Variants in TRAP1 observed in about 807,000 individuals in gnomAD.
The protein encoded by TRAP1 is TNF receptor associated protein 1.
TRAP1 carries 102 observed loss-of-function variants against 89.1 expected under a neutral mutation model. The observed-to-expected ratio is 1.15, with a 90% CI of 0.98 to 1.35. TRAP1 has a LOEUF of 1.35. TRAP1 is among the 40% of genes most tolerant of loss of function. The probability of loss-of-function intolerance (pLI) is 0.00; values close to 1 mark genes in which losing one functional copy is unlikely to be tolerated. For missense variants in TRAP1, 1,256 were observed against 945.3 expected, an observed-to-expected ratio of 1.33 and a Z score of -4.31; for synonymous variants, 508 against 388.0, an observed-to-expected ratio of 1.31 and a Z score of -3.64.
intron 1 of TRAP1, among the ~76,000 whole-genome samples, chr16:3,709,333 T>C (rs939574359): frequency 6.6e-6 from 1 of 152,080 alleles, no homozygotes; most frequent in African/African-American, 2.4e-5. Context: ...AAAGATGTTT[T>C]ACCACACTCA....
At chr16:3,658,523 AAT>A in intron 17 of TRAP1, 1 of 567,458 alleles carries the variant, frequency 1.8e-6, no homozygotes, top group Non-Finnish European at 3.1e-6. Context: ...TCTCTACTAA[AAT>A]ACAAAATTAG....
At chr16:3,696,831 A>G (rs1192401179) in intron 1 of TRAP1, among the ~76,000 whole-genome samples, 1 of 151,112 alleles carries the variant, frequency 6.6e-6, no homozygotes, top group Admixed American at 6.6e-5. Flanking sequence ...GATTCAAGTG[A>G]TCCTCCCACC....
chr16:3,658,791 A>G lies in TRAP1; in HGVS notation c.2013+2T>C, dbSNP rs1325445961. The G allele has an allele frequency of 4.3e-6, 7 of 1,613,388 alleles. No individual in the cohort carries two copies. Among genetic ancestry groups the G allele is most frequent in the Non-Finnish European group, 5.9e-6 (7 of 1,179,858 alleles). On this transcript the variant is annotated splice_donor_variant, in intron 17 of 17. Transcript: ENST00000246957. LOFTEE classifies it high-confidence loss of function. ...GCAGTCATCCTAAGCTGCTGCACTCACCTGATCCACCAGCAGCTGAGCCAG... is the reference window on the plus strand; with the variant it reads ...GCAGTCATCCTAAGCTGCTGCACTCGCCTGATCCACCAGCAGCTGAGCCAG...
rs777933473 is a variant in TRAP1 at position 3,679,707 on chromosome 16, C to G, written c.543+12G>C. 3.5e-5 allele frequency: 57 copies of G among 1,613,802 alleles called. No individual in the cohort carries two copies. The highest frequency in any genetic ancestry group is 4.3e-5 in the Non-Finnish European group (51 of 1,179,934). ...GGGGAAGGGGGAGGCTGTGTGGGGG[C>G]CCCACGCTTACCTTTGACCCCGATC... On this transcript the variant is annotated intron_variant, in intron 5 of 17. Coordinates refer to ENST00000246957, the MANE Select transcript of TRAP1 (RefSeq NM_016292.3).
At chr16:3,683,729 G>A (rs978786529) in intron 4 of TRAP1, among the ~76,000 whole-genome samples, 4 of 151,168 alleles carry the variant, frequency 2.6e-5, no homozygotes, top group African/African-American at 9.7e-5. Context: ...GGAGTAGATG[G>A]CAACGCTGTA....
intron 9 of TRAP1, among the ~76,000 whole-genome samples, chr16:3,673,054 G>A (rs373488661): frequency 6.6e-6 from 1 of 152,086 alleles, no homozygotes; most frequent in Admixed American, 6.6e-5. Flanking sequence ...ACCCCCTAAG[G>A]AGGACACAAG....
chr16:3,688,161 A>C (rs1317049561), intron 3 of TRAP1, among the ~76,000 whole-genome samples: 1 of 150,982 alleles, frequency 6.6e-6, no homozygotes, highest in African/African-American at 2.5e-5. Context: ...ACCCCAAATG[A>C]GTTTTGCGGG....
At chr16:3,714,140 A>G (rs1449056609) in intron 1 of TRAP1, among the ~76,000 whole-genome samples, 1 of 152,160 alleles carries the variant, frequency 6.6e-6, no homozygotes, top group East Asian at 1.9e-4. Flanking sequence ...TCATCTGTGA[A>G]ACTTACCCTG....
At chr16:3,700,076 GA>G in intron 1 of TRAP1, among the ~76,000 whole-genome samples, 1 of 152,154 alleles carries the variant, frequency 6.6e-6, no homozygotes, top group Non-Finnish European at 1.5e-5. Context: ...ATTAGGGCAG[GA>G]AAAAGCTTGT....
rs940816882 is a variant in TRAP1, at chr16:3,662,013, C to T, written c.1914G>A (p.Leu638=). The T allele has an allele frequency of 2.6e-5, 42 of 1,611,114 alleles. No homozygotes were observed. The highest frequency in any genetic ancestry group is 3.5e-5 in the Non-Finnish European group (41 of 1,178,822). The change falls in exon 16 of 18, where the codon CTG becomes CTA. Residue 638 remains leucine, a synonymous_variant. Transcript: ENST00000246957. ...TGGGGTTGATCTCCAGCGTGGGCTG[C>T]AGGAGCTGTGCGCGCTCCTCCTGGG... ...AKTQEERAQL[L]QPTLEINPRH...
At chr16:3,716,834 A>G (rs1567251052) in intron 1 of TRAP1, among the ~76,000 whole-genome samples, 1 of 152,222 alleles carries the variant, frequency 6.6e-6, no homozygotes, top group African/African-American at 2.4e-5. Context: ...CGTCAACGAC[A>G]TCGAGTCCAC....
intron 11 of TRAP1, among the ~76,000 whole-genome samples, chr16:3,666,925 T>C (rs900002865): frequency 1.3e-5 from 2 of 152,208 alleles, no homozygotes; most frequent in Non-Finnish European, 2.9e-5. Flanking sequence ...GTCTTTCCTT[T>C]AAGCAGGTAA....
intron 14 of TRAP1, 128 bp from the exon 15 acceptor site, chr16:3,663,095 T>C: frequency 1.3e-6 from 1 of 755,176 alleles, no homozygotes; most frequent in Non-Finnish European, 2.1e-6. Flanking sequence ...GCTAGCAAGA[T>C]GCTTTTCATC....
intron 4 of TRAP1, among the ~76,000 whole-genome samples, chr16:3,684,655 T>TG (rs1170883495): frequency 6.6e-6 from 1 of 152,082 alleles, no homozygotes; most frequent in African/African-American, 2.4e-5. Flanking sequence ...TTGGGCATCA[T>TG]GGCACACATC....
intron 13 of TRAP1, 68 bp from the exon 14 acceptor site, chr16:3,663,630 G>C: frequency 6.3e-7 from 1 of 1,596,714 alleles, no homozygotes; most frequent in Admixed American, 1.7e-5. Context: ...GAAAGGATGA[G>C]GGCGGCAGGA....
chr16:3,685,073 T>A (rs1484709281), intron 4 of TRAP1, among the ~76,000 whole-genome samples: 1 of 152,048 alleles, frequency 6.6e-6, no homozygotes, highest in Non-Finnish European at 1.5e-5. Context: ...CCCCAGCACA[T>A]CCATTTTCAA....
intron 12 of TRAP1, 158 bp from the exon 13 acceptor site, chr16:3,664,617 A>G: frequency 9.2e-6 from 7 of 761,368 alleles, no homozygotes; most frequent in Non-Finnish European, 1.4e-5. Context: ...GTCCGAGAGC[A>G]GGCCTTGCTC....
At chr16:3,698,130 A>G (rs2051315082) in intron 1 of TRAP1, among the ~76,000 whole-genome samples, 1 of 151,872 alleles carries the variant, frequency 6.6e-6, no homozygotes. Flanking sequence ...GAAAGGATTT[A>G]ATATAATATT....
chr16:3,664,462 A>G lies in TRAP1; in HGVS notation c.1384-3T>C. On this transcript the variant is annotated splice_polypyrimidine_tract_variant and splice_region_variant and intron_variant, in intron 12 of 17. Transcript: ENST00000246957. Reference sequence around the variant, plus strand: ...CGCAGCAGCTTTGCTATGTCCTCCTAGAAGGGACGGGGCAGGTCACCACTT... The same window carrying G: ...CGCAGCAGCTTTGCTATGTCCTCCTGGAAGGGACGGGGCAGGTCACCACTT... The G allele has an allele frequency of 6.2e-7, 1 of 1,607,962 alleles. No individual in the cohort carries two copies. Among genetic ancestry groups the G allele is most frequent in the Non-Finnish European group, 8.5e-7 (1 of 1,177,664 alleles).
Sources: allele counts gnomAD v4.1 joint callset (sites outside exome capture counted in the v4.1 genomes callset), GRCh38; gene constraint gnomAD v4.1.1; transcripts MANE v1.5; gene names NCBI Gene and HGNC (gene_info 2026-07-23, HGNC 2026-07-21).